Variants in PBX1 observed in about 807,000 individuals in gnomAD.
The protein encoded by PBX1 is pre-B-cell leukemia transcription factor 1.
In PBX1, 6 loss-of-function variants were observed where a neutral mutation model predicts 53.4. The ratio of observed to expected loss-of-function variants is 0.11; its 90% confidence interval spans 0.06 to 0.22. The LOEUF is 0.22. Ranked by LOEUF, PBX1 falls within the 10% of genes least tolerant of loss-of-function variation. The pLI is 1.00. For synonymous variants in PBX1, 204 were observed against 212.3 expected (o/e 0.96, Z 0.34); for missense variants, 251 against 551.4 (o/e 0.46, Z 5.46).
intron 8 of PBX1, among the ~76,000 whole-genome samples, chr1:164,828,114 A>G (rs770263567): frequency 1.3e-5 from 2 of 152,200 alleles, no homozygotes; most frequent in Non-Finnish European, 2.9e-5. Context: ...CCCCAACCAA[A>G]TAGATATACC....
intron 2 of PBX1, among the ~76,000 whole-genome samples, chr1:164,627,953 G>A (rs1420713900): frequency 6.6e-6 from 1 of 152,162 alleles, no homozygotes; most frequent in Admixed American, 6.5e-5. Context: ...AAATTATAGT[G>A]AATAGAGCAA....
chr1:164,845,571 A>G (rs994754521), intron 8 of PBX1, among the ~76,000 whole-genome samples: 1 of 152,232 alleles, frequency 6.6e-6, no homozygotes, highest in South Asian at 2.1e-4. Context: ...AAAACATATA[A>G]GCAATCATGA....
chr1:164,857,020 A>G (rs1023182238), intron 2 of PBX1, among the ~76,000 whole-genome samples: 2 of 152,038 alleles, frequency 1.3e-5, no homozygotes, highest in Admixed American at 1.3e-4. Context: ...TTTTCTTCCA[A>G]TTCCCCAAAA....
Position 164,642,341 on chromosome 1 carries a change from A to G in PBX1, c.265+79030A>G, listed in dbSNP as rs949743373. The G allele has an allele frequency of 3.3e-5, 5 of 152,306 alleles. No homozygotes were observed. The East Asian group carries it at 9.6e-4, about 29-fold the overall frequency. The allele number at this position is 152,306 out of a possible 1,614,324, so 9.4% of individuals were successfully genotyped here. A position where few individuals can be genotyped will look rare whatever the true frequency, so the allele number is the denominator to read the frequency against. On this transcript the variant is annotated intron_variant, in intron 2 of 8. Transcript: ENST00000420696. ...AATAGGAAATGGAACTAAAAATAGA[A>G]CCTAGGTATGACCCCAGATATTTGA...
chr1:164,731,059 G>T (rs775821526), intron 2 of PBX1, among the ~76,000 whole-genome samples: 2 of 152,076 alleles, frequency 1.3e-5, no homozygotes, highest in Admixed American at 6.5e-5. Context: ...ATTGCTTTCC[G>T]TGTTTATGTG....
At chr1:164,780,872 C>T (rs1041440953) in intron 2 of PBX1, among the ~76,000 whole-genome samples, 2 of 152,074 alleles carry the variant, frequency 1.3e-5, no homozygotes, top group African/African-American at 4.8e-5. Flanking sequence ...TCCAGGACAC[C>T]GTTAGTATCA....
chr1:164,561,945 T>C lies in PBX1; in HGVS notation c.192-1293T>C, dbSNP rs577049627. Among the ~76,000 whole-genome samples, 202 of 152,176 alleles carry C rather than the reference T, an allele frequency of 1.3e-3. 1 individual carries two copies. Among genetic ancestry groups the C allele is most frequent in the African/African-American group, 4.5e-3 (187 of 41,522 alleles). ...AGGTCTTTAATACTTTAAAGTATTTTCCATCTTTTTTTTTTTCTACCCCAC... is the reference window on the plus strand; with the variant it reads ...AGGTCTTTAATACTTTAAAGTATTTCCCATCTTTTTTTTTTTCTACCCCAC... On this transcript the variant is annotated intron_variant, in intron 1 of 8. Coordinates refer to ENST00000420696, the MANE Select transcript of PBX1 (RefSeq NM_002585.4).
At chr1:164,710,240 G>C (rs1031404270) in intron 2 of PBX1, among the ~76,000 whole-genome samples, 4 of 152,168 alleles carry the variant, frequency 2.6e-5, no homozygotes, top group Non-Finnish European at 4.4e-5. Flanking sequence ...TCACACATCA[G>C]AGGGAATTTC....
Position 164,851,751 on chromosome 1 carries a change from C to T in PBX1, c.*5075C>T, listed in dbSNP as rs533769216. 16 of 178,656 alleles carry T rather than the reference C, an allele frequency of 9.0e-5. No homozygotes were observed. The highest frequency in any genetic ancestry group is 1.9e-4 in the Non-Finnish European group (16 of 83,258). The allele number at this position is 178,656 out of a possible 1,614,324, so 11.1% of individuals were successfully genotyped here. A position where few individuals can be genotyped will look rare whatever the true frequency, so the allele number is the denominator to read the frequency against. Reference sequence around the variant, plus strand: ...TTTGTGTTCTCTAATGATACTAACACGGTGTAGGTTTTACAGTCTCCTAAT... The same window carrying T: ...TTTGTGTTCTCTAATGATACTAACATGGTGTAGGTTTTACAGTCTCCTAAT... On this transcript the variant is annotated 3_prime_UTR_variant, in exon 9 of 9. Transcript: ENST00000420696.
At chr1:164,710,770 G>A (rs577706037) in intron 2 of PBX1, among the ~76,000 whole-genome samples, 1 of 152,282 alleles carries the variant, frequency 6.6e-6, no homozygotes, top group African/African-American at 2.4e-5. Flanking sequence ...GGAGAGAGGG[G>A]AGTAAAATAG....
At chr1:164,730,501 G>A (rs932692209) in intron 2 of PBX1, among the ~76,000 whole-genome samples, 2 of 152,148 alleles carry the variant, frequency 1.3e-5, no homozygotes, top group African/African-American at 4.8e-5. Context: ...ATTTTGCAGG[G>A]AGGTATTCCC....
intron 8 of PBX1, among the ~76,000 whole-genome samples, chr1:164,845,160 A>G (rs2102417496): frequency 6.6e-6 from 1 of 152,300 alleles, no homozygotes; most frequent in African/African-American, 2.4e-5. Context: ...TTCCTGGGAA[A>G]ATTGGAGCAT....
intron 2 of PBX1, among the ~76,000 whole-genome samples, chr1:164,732,869 C>T (rs901088687): frequency 2.0e-5 from 3 of 151,380 alleles, no homozygotes; most frequent in African/African-American, 4.9e-5. Context: ...TTTTTTATGT[C>T]GTCTGAATTC....
intron 2 of PBX1, among the ~76,000 whole-genome samples, chr1:164,686,997 A>G (rs1413146554): frequency 6.6e-6 from 1 of 152,036 alleles, no homozygotes; most frequent in African/African-American, 2.4e-5. Context: ...ACAAAACCAA[A>G]TGAGTGATGC....
chr1:164,790,764 G>T (rs904932673), intron 2 of PBX1, among the ~76,000 whole-genome samples: 1 of 152,194 alleles, frequency 6.6e-6, no homozygotes, highest in Admixed American at 6.5e-5. Context: ...TTTGCTGCCT[G>T]TTGGCAGCCA....
Position 164,757,510 on chromosome 1 carries a change from A to G in PBX1, c.266-34984A>G, listed in dbSNP as rs548664541. 3.3e-5 allele frequency among the ~76,000 whole-genome samples: 5 copies of G among 152,260 alleles called. No individual in the cohort carries two copies. In the South Asian group the frequency reaches 8.3e-4, roughly 25 times the overall value. ...AATGTTAAGTAACAACCCCAAAGTA[A>G]TGTTTTAGCTTTCAAAATACTGAAA... On this transcript the variant is annotated intron_variant, in intron 2 of 8. Coordinates refer to ENST00000420696, the MANE Select transcript of PBX1 (RefSeq NM_002585.4).
chr1:164,826,351 A>G (rs755938344), intron 8 of PBX1, among the ~76,000 whole-genome samples: 1 of 152,150 alleles, frequency 6.6e-6, no homozygotes, highest in Non-Finnish European at 1.5e-5. Flanking sequence ...TTCCTTGGAT[A>G]TTTGTGATAG....
chr1:164,617,051 C>T (rs1657326328), intron 2 of PBX1, among the ~76,000 whole-genome samples: 1 of 152,084 alleles, frequency 6.6e-6, no homozygotes, highest in Non-Finnish European at 1.5e-5. Context: ...AATAGTATAA[C>T]TTCATCTTAA....
intron 2 of PBX1, among the ~76,000 whole-genome samples, chr1:164,675,512 C>T (rs1431337192): frequency 6.6e-6 from 1 of 152,158 alleles, no homozygotes; most frequent in Non-Finnish European, 1.5e-5. Flanking sequence ...TAGCACCGCC[C>T]AGGCCTAGCC....
Sources: gnomAD v4.1 joint callset for allele counts (sites outside exome capture counted in the v4.1 genomes callset) on GRCh38, gnomAD v4.1.1 for gene constraint, MANE v1.5 for transcripts, NCBI Gene and HGNC (gene_info 2026-07-23, HGNC 2026-07-21) for gene names.